Variants in CTNND2 observed in about 807,000 individuals in gnomAD.
The protein encoded by CTNND2 is catenin delta 2, also known as catenin delta-2.
In CTNND2, 22 loss-of-function variants were observed where a neutral mutation model predicts 144.4. That is an observed-to-expected ratio of 0.15 (90% confidence interval 0.11 to 0.22). The LOEUF (loss-of-function observed/expected upper bound fraction) is 0.22, where lower values mean the gene tolerates loss of function less well. CTNND2 is among the 10% of genes least tolerant of loss of function. CTNND2 has a pLI of 1.00. For missense variants in CTNND2, 1,353 were observed against 1,618.8 expected (o/e 0.84, Z 2.82); for synonymous variants, 751 against 695.6 (o/e 1.08, Z -1.25).
intron 2 of CTNND2, among the ~76,000 whole-genome samples, chr5:11,654,386 G>C (rs1439069466): frequency 1.3e-5 from 2 of 151,982 alleles, no homozygotes; most frequent in African/African-American, 2.4e-5. Flanking sequence ...CTCTCAATTT[G>C]TGTCATCTTC....
At chr5:11,855,607 C>T (rs1159685461) in intron 1 of CTNND2, among the ~76,000 whole-genome samples, 1 of 152,118 alleles carries the variant, frequency 6.6e-6, no homozygotes, top group East Asian at 1.9e-4. Flanking sequence ...AACTAAAAGC[C>T]ACTTTTAACT....
chr5:11,182,654 T>C (rs1004248553), intron 11 of CTNND2, among the ~76,000 whole-genome samples: 2 of 152,132 alleles, frequency 1.3e-5, no homozygotes, highest in Admixed American at 6.5e-5. Context: ...ACTATCTTTG[T>C]ATAAAAGAGA....
chr5:11,250,491 C>CTCTATATATATATATATATA (rs869141186), intron 9 of CTNND2, among the ~76,000 whole-genome samples: 7 of 64,108 alleles, frequency 1.1e-4, no homozygotes, highest in Non-Finnish European at 1.2e-4. Context: ...CTCTCTCTCT[C>CTCTATATATATATATATATA]TATATATATA....
At chr5:11,465,482 C>A (rs1205621223) in intron 3 of CTNND2, among the ~76,000 whole-genome samples, 1 of 152,004 alleles carries the variant, frequency 6.6e-6, no homozygotes. Flanking sequence ...GATCGATGTC[C>A]CAATTTTGAA....
intron 10 of CTNND2, among the ~76,000 whole-genome samples, 198 bp from the exon 11 acceptor site, chr5:11,199,859 A>C (rs61751779): frequency 1.8e-3 from 268 of 152,354 alleles, no homozygotes; most frequent in African/African-American, 6.1e-3. Context: ...CCTACCAATA[A>C]AAATCCAAAT....
intron 2 of CTNND2, among the ~76,000 whole-genome samples, chr5:11,725,836 T>A (rs1020106745): frequency 6.6e-6 from 1 of 152,218 alleles, no homozygotes; most frequent in Non-Finnish European, 1.5e-5. Context: ...TGAACATTGT[T>A]TCCTTGCTCT....
rs747953553 is a variant in CTNND2, at chr5:11,384,945, C to G, written c.897G>C (p.Ser299=). The G allele has an allele frequency of 5.1e-6, 8 of 1,582,368 alleles. No homozygotes were observed. Among genetic ancestry groups the G allele is most frequent in the African/African-American group, 1.3e-5 (1 of 74,270 alleles). The change falls in exon 7 of 22, where the codon TCG becomes TCC. Residue 299 remains serine, a synonymous_variant. Coordinates refer to ENST00000304623, the MANE Select transcript of CTNND2 (RefSeq NM_001332.4). This position sits in a 1 kb window ranked among gnomAD's most constrained non-coding sequence, Gnocchi z 5.2. The stretch of plus-strand genomic sequence containing the variant: ...CCAGGCGGCTGGGCGACTGCTTGGG[C>G]GAGGAGCCGCGCGGCGCGGCGTAGG... ...GATYAAPRGS[S]PKQSPSRLAK... is the part of the protein sequence containing the mutation.
At chr5:11,264,940 T>A (rs1490115373) in intron 9 of CTNND2, among the ~76,000 whole-genome samples, 5 of 151,900 alleles carry the variant, frequency 3.3e-5, no homozygotes, top group Admixed American at 1.3e-4. Flanking sequence ...CATTAAAAAA[T>A]AAATAAATAA....
intron 3 of CTNND2, among the ~76,000 whole-genome samples, chr5:11,462,699 C>T (rs1039503779): frequency 7.2e-5 from 11 of 151,756 alleles, no homozygotes; most frequent in African/African-American, 2.7e-4. Context: ...TTGGGGTGCT[C>T]GAAAGTAACT....
At chr5:11,367,255 C>A (rs1025604368) in intron 7 of CTNND2, among the ~76,000 whole-genome samples, 4 of 151,994 alleles carry the variant, frequency 2.6e-5, no homozygotes, top group African/African-American at 9.7e-5. Flanking sequence ...CAAGGGTGGG[C>A]ACAGTTATTG....
chr5:11,250,485 CTCTCTCTATATATATATATATATA>C (rs1743464484), intron 9 of CTNND2, among the ~76,000 whole-genome samples: 1 of 67,848 alleles, frequency 1.5e-5, no homozygotes, highest in African/African-American at 8.0e-5. Flanking sequence ...CTCTCTCTCT[CTCTCTCTATATATATATATATATA>C]TATACATATA....
intron 7 of CTNND2, among the ~76,000 whole-genome samples, chr5:11,375,764 T>C (rs557989441): frequency 2.6e-5 from 4 of 152,328 alleles, no homozygotes; most frequent in East Asian, 3.9e-4. Flanking sequence ...ATGTTAGTGA[T>C]GCTTTCTAGT....
chr5:11,697,835 A>T (rs913342929), intron 2 of CTNND2, among the ~76,000 whole-genome samples: 1 of 152,202 alleles, frequency 6.6e-6, no homozygotes, highest in Admixed American at 6.5e-5. Context: ...GGGATAATTT[A>T]AACTGCAGCC....
intron 16 of CTNND2, among the ~76,000 whole-genome samples, chr5:11,025,170 T>C (rs76275290): frequency 1.0e-3 from 158 of 152,362 alleles, no homozygotes; most frequent in African/African-American, 3.6e-3. Context: ...GAATATATTT[T>C]AGTCCAAATT....
intron 2 of CTNND2, among the ~76,000 whole-genome samples, chr5:11,677,546 A>G (rs952087276): frequency 1.1e-4 from 16 of 152,222 alleles, no homozygotes; most frequent in Non-Finnish European, 2.9e-5. Flanking sequence ...AAATGAATTA[A>G]TATAAAGACT....
At chr5:11,406,881 CTGAA>C (rs1287292913) in intron 5 of CTNND2, among the ~76,000 whole-genome samples, 1 of 151,860 alleles carries the variant, frequency 6.6e-6, no homozygotes, top group Non-Finnish European at 1.5e-5. Flanking sequence ...TTTCTTCCTA[CTGAA>C]TAATGGAATT....
At chr5:11,540,284 G>T (rs774620738) in intron 3 of CTNND2, among the ~76,000 whole-genome samples, 4 of 152,052 alleles carry the variant, frequency 2.6e-5, no homozygotes, top group Non-Finnish European at 5.9e-5. Context: ...CTTTTCAGTT[G>T]CCAGTATTGC....
In CTNND2 at chr5:11,128,264, T is replaced by G. The variant is rs926353559; in HGVS notation, c.2160-10697A>C. ...AAGGGGAGGGAGAGGCCATTAGGAG[T>G]GCAGGAGCTGAGGGCAGCTCTCAAC... On this transcript the variant is annotated intron_variant, in intron 12 of 21. Coordinates refer to ENST00000304623, the MANE Select transcript of CTNND2 (RefSeq NM_001332.4). Among the ~76,000 whole-genome samples, 5 of 151,778 alleles carry G rather than the reference T, an allele frequency of 3.3e-5. No homozygotes were observed. The East Asian group carries it at 5.9e-4, about 18-fold the overall frequency.
chr5:11,532,252 C>T (rs1773809308), intron 3 of CTNND2, among the ~76,000 whole-genome samples: 1 of 152,046 alleles, frequency 6.6e-6, no homozygotes, highest in Non-Finnish European at 1.5e-5. Flanking sequence ...GGCTCTTTCC[C>T]TTCCCATCCC....
Sources: allele counts gnomAD v4.1 joint callset (sites outside exome capture counted in the v4.1 genomes callset), GRCh38; gene constraint gnomAD v4.1.1; non-coding constraint Gnocchi (gnomAD v3.1); transcripts MANE v1.5; gene names NCBI Gene and HGNC (gene_info 2026-07-23, HGNC 2026-07-21).